Variants in DGKB observed in about 807,000 individuals in gnomAD.
DGKB encodes the protein 90 kDa diacylglycerol kinase.
A neutral mutation model predicts 114.3 loss-of-function variants in DGKB; 67 were observed. The observed-to-expected ratio is 0.59, with a 90% CI of 0.48 to 0.72. DGKB has a LOEUF of 0.72. Ranked by LOEUF, DGKB falls within the 30% of genes least tolerant of loss-of-function variation. The pLI is 0.00. For missense variants in DGKB, 907 were observed against 975.2 expected (o/e 0.93, Z 0.93); for synonymous variants, 398 against 323.1 (o/e 1.23, Z -2.49).
At chr7:14,847,686 A>C (rs939819315) in intron 1 of DGKB, among the ~76,000 whole-genome samples, 1 of 152,254 alleles carries the variant, frequency 6.6e-6, no homozygotes, top group African/African-American at 2.4e-5. Context: ...AACTGTGATA[A>C]GTTATATGAA....
At chr7:14,629,946 T>C (rs1809380455) in intron 14 of DGKB, among the ~76,000 whole-genome samples, 1 of 152,092 alleles carries the variant, frequency 6.6e-6, no homozygotes, top group South Asian at 2.1e-4. Context: ...TTTTTCTATG[T>C]AGTAAAAACT....
intron 19 of DGKB, among the ~76,000 whole-genome samples, chr7:14,577,408 G>A (rs749418447): frequency 1.3e-5 from 2 of 152,244 alleles, no homozygotes; most frequent in East Asian, 3.9e-4. Flanking sequence ...ACGAGGTCAG[G>A]AGATCAAGAC....
At chr7:14,732,658 A>T (rs1184225973) in intron 5 of DGKB, among the ~76,000 whole-genome samples, 3 of 152,192 alleles carry the variant, frequency 2.0e-5, no homozygotes, top group African/African-American at 7.2e-5. Context: ...GAGTTTAATT[A>T]ATCATTGCTG....
At chr7:14,383,050 C>G (rs1819743515) in intron 21 of DGKB, among the ~76,000 whole-genome samples, 1 of 152,194 alleles carries the variant, frequency 6.6e-6, no homozygotes, top group African/African-American at 2.4e-5. Flanking sequence ...CAAGAACTTC[C>G]TTCTCCTTTT....
chr7:14,747,553 C>T (rs113400074), intron 4 of DGKB, among the ~76,000 whole-genome samples: 3,798 of 152,120 alleles, frequency 0.025, 65 homozygotes, highest in Non-Finnish European at 0.036. Flanking sequence ...TGTACATTTT[C>T]CTTAGATCAT....
chr7:14,617,010 G>C (rs1806662327), intron 15 of DGKB, among the ~76,000 whole-genome samples: 1 of 151,626 alleles, frequency 6.6e-6, no homozygotes, highest in South Asian at 2.1e-4. Context: ...ATCACATAAA[G>C]GGGCAGTTAA....
At chr7:14,836,585 A>T (rs1399372006) in intron 2 of DGKB, among the ~76,000 whole-genome samples, 1 of 152,194 alleles carries the variant, frequency 6.6e-6, no homozygotes, top group East Asian at 1.9e-4. Flanking sequence ...TAATGTGATA[A>T]GCTTAATTCT....
chr7:14,953,220 A>T, intron 1 of DGKB, among the ~76,000 whole-genome samples: 1 of 152,148 alleles, frequency 6.6e-6, no homozygotes, highest in East Asian at 1.9e-4. Flanking sequence ...GGACTTCAAA[A>T]TTTTAAAGTT....
At chr7:14,924,029 G>C (rs1248805807) in intron 1 of DGKB, among the ~76,000 whole-genome samples, 1 of 133,240 alleles carries the variant, frequency 7.5e-6, no homozygotes, top group South Asian at 2.5e-4. Context: ...TCACAATAAA[G>C]TTTCTGAATA....
intron 1 of DGKB, among the ~76,000 whole-genome samples, chr7:14,851,721 T>C (rs183341508): frequency 5.9e-5 from 9 of 152,330 alleles, no homozygotes; most frequent in Non-Finnish European, 1.2e-4. Flanking sequence ...CTTTCTTTCT[T>C]GGGATACTTG....
intron 1 of DGKB, among the ~76,000 whole-genome samples, chr7:14,914,435 A>G (rs1784139612): frequency 6.6e-6 from 1 of 152,198 alleles, no homozygotes; most frequent in African/African-American, 2.4e-5. Context: ...GGGAAACCCA[A>G]TAACAAAACG....
chr7:14,942,988 G>A (rs936192881), intron 1 of DGKB, among the ~76,000 whole-genome samples: 1 of 151,450 alleles, frequency 6.6e-6, no homozygotes, highest in African/African-American at 2.4e-5. Context: ...TTGAGTACAG[G>A]GATGTAGTCT....
intron 10 of DGKB, among the ~76,000 whole-genome samples, chr7:14,684,652 T>A (rs772089184): frequency 6.6e-6 from 1 of 152,102 alleles, no homozygotes; most frequent in Non-Finnish European, 1.5e-5. Flanking sequence ...CTGAAATTTT[T>A]AAAATGGCCA....
intron 23 of DGKB, among the ~76,000 whole-genome samples, chr7:14,321,678 A>G (rs1807842528): frequency 6.6e-6 from 1 of 152,068 alleles, no homozygotes; most frequent in Non-Finnish European, 1.5e-5. Context: ...TGATGGCATG[A>G]TATTTATTTA....
At chr7:14,393,288 C>A (rs1457590760) in intron 21 of DGKB, among the ~76,000 whole-genome samples, 1 of 152,082 alleles carries the variant, frequency 6.6e-6, no homozygotes, top group African/African-American at 2.4e-5. Flanking sequence ...CGCGCCCGGT[C>A]AACAGACCTG....
chr7:14,167,084 G>A (rs915695964), intron 25 of DGKB, among the ~76,000 whole-genome samples: 5 of 151,868 alleles, frequency 3.3e-5, no homozygotes, highest in Non-Finnish European at 4.4e-5. Flanking sequence ...AGTAGTGTGT[G>A]CCTGTAGTCC....
At chr7:14,295,034 C>T (rs1802324120) in intron 23 of DGKB, among the ~76,000 whole-genome samples, 1 of 152,244 alleles carries the variant, frequency 6.6e-6, no homozygotes, top group Admixed American at 6.5e-5. Flanking sequence ...CAAACTTCTT[C>T]CTTTGTTGTA....
At chr7:14,705,624 A>T (rs1271103969) in intron 6 of DGKB, among the ~76,000 whole-genome samples, 1 of 150,736 alleles carries the variant, frequency 6.6e-6, no homozygotes, top group Non-Finnish European at 1.5e-5. Flanking sequence ...CTCTCGGCAG[A>T]AACCCCACAA....
chr7:14,157,104 T>C (rs1429791424), intron 25 of DGKB, among the ~76,000 whole-genome samples: 1 of 152,152 alleles, frequency 6.6e-6, no homozygotes, highest in African/African-American at 2.4e-5. Flanking sequence ...TTCAGCTACC[T>C]TAAAAATGAA....
Sources: allele counts gnomAD v4.1 joint callset (sites outside exome capture counted in the v4.1 genomes callset), GRCh38; gene constraint gnomAD v4.1.1; transcripts MANE v1.5; gene names NCBI Gene and HGNC (gene_info 2026-07-23, HGNC 2026-07-21).